The following PPFIA2 variants were observed in gnomAD, a reference collection of about 807,000 sequenced individuals.
PPFIA2 encodes the protein liprin-alpha-2.
In PPFIA2, 46 loss-of-function variants were observed where a neutral mutation model predicts 175.5. The observed-to-expected ratio is 0.26, with a 90% CI of 0.21 to 0.34. The LOEUF is 0.34. Among genes scored for constraint, PPFIA2 ranks in the 10% least tolerant of loss-of-function variants. PPFIA2 has a pLI of 1.00. For synonymous variants in PPFIA2, 568 were observed against 511.4 expected (o/e 1.11, Z -1.49); for missense variants, 1,179 against 1,506.1 (o/e 0.78, Z 3.60).
At chr12:81,698,269 G>A (rs2076109107) in intron 3 of PPFIA2, among the ~76,000 whole-genome samples, 1 of 152,072 alleles carries the variant, frequency 6.6e-6, no homozygotes, top group Non-Finnish European at 1.5e-5. Context: ...ACCCTTATGA[G>A]GTAGTAAAAC....
intron 17 of PPFIA2, 98 bp from the exon 18 acceptor site, chr12:81,347,868 G>C: frequency 6.8e-7 from 1 of 1,460,448 alleles, no homozygotes. Context: ...TAAATCAGTA[G>C]AAACTATTCT....
chr12:81,561,727 G>A (rs1476353742), intron 4 of PPFIA2, among the ~76,000 whole-genome samples: 1 of 152,022 alleles, frequency 6.6e-6, no homozygotes, highest in Admixed American at 6.5e-5. Context: ...TGCCAACTTC[G>A]GTTTCTTATG....
chr12:81,743,441 A>AC (rs2082602735), intron 3 of PPFIA2, among the ~76,000 whole-genome samples: 1 of 141,862 alleles, frequency 7.0e-6, no homozygotes, highest in African/African-American at 2.5e-5. Context: ...AAAAAAAAAA[A>AC]AAAACTTTTG....
intron 5 of PPFIA2, among the ~76,000 whole-genome samples, chr12:81,449,974 C>G (rs1338206762): frequency 6.6e-6 from 1 of 151,984 alleles, no homozygotes; most frequent in Admixed American, 6.6e-5. Context: ...TGGACTCATC[C>G]TTTTTTATGG....
chr12:81,594,293 A>G (rs566786212), intron 4 of PPFIA2, among the ~76,000 whole-genome samples: 3 of 152,302 alleles, frequency 2.0e-5, no homozygotes, highest in South Asian at 4.1e-4. Context: ...TTCCAAACCT[A>G]TAGTAAAGTT....
At chr12:81,386,088 G>A (rs1057090256) in intron 8 of PPFIA2, among the ~76,000 whole-genome samples, 1 of 151,194 alleles carries the variant, frequency 6.6e-6, no homozygotes, top group African/African-American at 2.4e-5. Flanking sequence ...CAGCCTGGGT[G>A]ACATAGCAAG....
At chr12:81,707,737 G>GCA (rs1179574553) in intron 3 of PPFIA2, among the ~76,000 whole-genome samples, 3 of 151,430 alleles carry the variant, frequency 2.0e-5, no homozygotes, top group South Asian at 4.2e-4. Context: ...GTTTATTGCG[G>GCA]CACTATTCAC....
At position 81,258,331 on chromosome 12, in the gene PPFIA2, C is replaced by G. The variant is rs966974757; in HGVS notation, c.*1363G>C. 7 of 152,184 alleles carry G rather than the reference C, an allele frequency of 4.6e-5. No individual in the cohort carries two copies. In the South Asian group the frequency reaches 1.2e-3, roughly 27 times the overall value. The allele number at this position is 152,184 out of a possible 1,614,324, so 9.4% of individuals were successfully genotyped here. A position where few individuals can be genotyped will look rare whatever the true frequency, so the allele number is the denominator to read the frequency against. On this transcript the variant is annotated 3_prime_UTR_variant, in exon 33 of 33. Coordinates refer to ENST00000549396, the MANE Select transcript of PPFIA2 (RefSeq NM_003625.5). ...TGTTATCATTACCTTTTGACTGAAT[C>G]TGTTAAATAAAAATAGACATCAAAA...
At position 81,416,891 on chromosome 12, in the gene PPFIA2, G is replaced by A. The variant is rs1017140412; in HGVS notation, c.646-10988C>T. Among the ~76,000 whole-genome samples the A allele has an allele frequency of 5.3e-5, 8 of 151,680 alleles. No individual in the cohort carries two copies. The East Asian group carries it at 5.8e-4, about 11-fold the overall frequency. On this transcript the variant is annotated intron_variant, in intron 7 of 32. Transcript: ENST00000549396. ...ACTAAATAATCCAATGTGTGTGTAC[G>A]TGATCATTTTATAAAGCAGGAAACA...
At chr12:81,471,463 T>G (rs1351624976) in intron 4 of PPFIA2, among the ~76,000 whole-genome samples, 1 of 151,380 alleles carries the variant, frequency 6.6e-6, no homozygotes, top group African/African-American at 2.4e-5. Flanking sequence ...AGTGCCTGGC[T>G]TGGGTTTCCT....
chr12:81,495,341 T>G (rs1185814891), intron 4 of PPFIA2, among the ~76,000 whole-genome samples: 1 of 152,044 alleles, frequency 6.6e-6, no homozygotes, highest in Admixed American at 6.6e-5. Flanking sequence ...CCATTTTACA[T>G]GAATAAAAAA....
chr12:81,483,245 G>T (rs1471652471), intron 4 of PPFIA2, among the ~76,000 whole-genome samples: 1 of 152,012 alleles, frequency 6.6e-6, no homozygotes, highest in African/African-American at 2.4e-5. Flanking sequence ...CTATAAAAAA[G>T]CTTTTATATG....
At chr12:81,559,327 T>A (rs974639588) in intron 4 of PPFIA2, among the ~76,000 whole-genome samples, 7 of 152,212 alleles carry the variant, frequency 4.6e-5, no homozygotes, top group East Asian at 1.9e-4. Context: ...TGCATGTGTG[T>A]GTGTGCACAT....
At chr12:81,501,594 G>A (rs1026755124) in intron 4 of PPFIA2, among the ~76,000 whole-genome samples, 11 of 151,890 alleles carry the variant, frequency 7.2e-5, no homozygotes, top group Middle Eastern at 3.4e-3. Context: ...GACTGAAAAA[G>A]TAAATGAATA....
intron 18 of PPFIA2, among the ~76,000 whole-genome samples, chr12:81,346,127 CA>C (rs2059030810): frequency 6.6e-6 from 1 of 152,006 alleles, no homozygotes; most frequent in Non-Finnish European, 1.5e-5. Flanking sequence ...GTAAGTATGC[CA>C]ATGCATATTC....
chr12:81,719,467 AC>A (rs571859768), intron 3 of PPFIA2, among the ~76,000 whole-genome samples: 131 of 151,530 alleles, frequency 8.6e-4, no homozygotes, highest in African/African-American at 3.1e-3. Context: ...GGTGATGATT[AC>A]CCCTGACGGA....
chr12:81,593,805 T>C (rs1281523690), intron 4 of PPFIA2, among the ~76,000 whole-genome samples: 2 of 151,878 alleles, frequency 1.3e-5, no homozygotes, highest in Non-Finnish European at 2.9e-5. Context: ...GAAAGTAGAG[T>C]GTGTCCCATA....
At chr12:81,566,356 T>C (rs2153403913) in intron 4 of PPFIA2, among the ~76,000 whole-genome samples, 1 of 151,562 alleles carries the variant, frequency 6.6e-6, no homozygotes. Flanking sequence ...ACCCCATCTG[T>C]ACTAAGAAAA....
chr12:81,376,147 CA>C (rs1479825620), intron 9 of PPFIA2, among the ~76,000 whole-genome samples: 1 of 152,058 alleles, frequency 6.6e-6, no homozygotes, highest in African/African-American at 2.4e-5. Flanking sequence ...TTCGGTTAAC[CA>C]AAAGCTTTCT....
Sources: gnomAD v4.1 joint callset for allele counts (sites outside exome capture counted in the v4.1 genomes callset) on GRCh38, gnomAD v4.1.1 for gene constraint, MANE v1.5 for transcripts, NCBI Gene and HGNC (gene_info 2026-07-23, HGNC 2026-07-21) for gene names.